Variants in DYRK1A observed in about 807,000 individuals in gnomAD.
DYRK1A encodes the protein dual specificity tyrosine phosphorylation regulated kinase 1A.
A neutral mutation model predicts 79.7 loss-of-function variants in DYRK1A; 9 were observed. The observed-to-expected ratio is 0.11, with a 90% confidence interval of 0.07 to 0.20. The LOEUF (loss-of-function observed/expected upper bound fraction) is 0.20. Among genes scored for constraint, DYRK1A ranks in the 10% least tolerant of loss-of-function variants. The pLI is 1.00. For synonymous variants in DYRK1A, 349 were observed against 329.7 expected (o/e 1.06, Z -0.63); for missense variants, 622 against 956.0 (o/e 0.65, Z 4.61).
intron 1 of DYRK1A, among the ~76,000 whole-genome samples, chr21:37,404,944 G>T (rs927856825): frequency 6.6e-6 from 1 of 152,112 alleles, no homozygotes; most frequent in Admixed American, 6.6e-5. Flanking sequence ...ATTTAGAATG[G>T]TTCAGTATAA....
chr21:37,512,768 C>T lies in DYRK1A; in HGVS notation c.*237C>T. 2 of 479,908 alleles carry T rather than the reference C, an allele frequency of 4.2e-6. No individual in the cohort carries two copies. The highest frequency in any genetic ancestry group is 4.4e-5 in the South Asian group (1 of 22,794). 29.7% of individuals were successfully genotyped at this position (479,908 alleles called of 1,614,324 possible). ...AGCTCAGAGGTATCCTCTTTTTGCT[C>T]CCCCATTTTAACTTGCCACATCCCA... is the stretch of plus-strand genomic sequence containing the variant. On this transcript the variant is annotated 3_prime_UTR_variant, in exon 12 of 12. Coordinates refer to ENST00000647188, the MANE Select transcript of DYRK1A (RefSeq NM_001347721.2).
intron 1 of DYRK1A, among the ~76,000 whole-genome samples, chr21:37,386,131 A>G (rs1480150981): frequency 6.6e-6 from 1 of 152,180 alleles, no homozygotes; most frequent in East Asian, 1.9e-4. Flanking sequence ...ATAGGGTAGG[A>G]TTCAAACCAG....
At chr21:37,373,649 A>G (rs1296154572) in intron 1 of DYRK1A, among the ~76,000 whole-genome samples, 2 of 152,196 alleles carry the variant, frequency 1.3e-5, no homozygotes, top group East Asian at 1.9e-4. Context: ...CAGTCCAGGA[A>G]TAGGATTTTG....
At chr21:37,394,011 ATT>A in intron 1 of DYRK1A, among the ~76,000 whole-genome samples, 1 of 151,818 alleles carries the variant, frequency 6.6e-6, no homozygotes, top group African/African-American at 2.4e-5. Flanking sequence ...GCCAGCCCAG[ATT>A]CAGGGGGTTC....
Position 37,366,791 on chromosome 21 carries a change from C to A in DYRK1A, c.-914C>A, listed in dbSNP as rs2049314511. 6.6e-6 allele frequency: 1 copy of A among 152,108 alleles called. No individual in the cohort carries two copies. 9.4% of individuals were successfully genotyped at this position (152,108 alleles called of 1,614,324 possible). On this transcript the variant is annotated 5_prime_UTR_variant, in exon 1 of 12. Transcript: ENST00000647188. ...CTATAGCGACCGGGTCGGTCCGTCGCCATTTTGTTGGTTGGTTTTTTTTTA... is the reference window on the plus strand; with the variant it reads ...CTATAGCGACCGGGTCGGTCCGTCGACATTTTGTTGGTTGGTTTTTTTTTA...
chr21:37,386,487 A>G (rs2049763262), intron 1 of DYRK1A, among the ~76,000 whole-genome samples: 1 of 152,216 alleles, frequency 6.6e-6, no homozygotes, highest in Admixed American at 6.5e-5. Context: ...TTGCACATCT[A>G]AAACATCTGT....
intron 11 of DYRK1A, among the ~76,000 whole-genome samples, 153 bp from the exon 12 acceptor site, chr21:37,511,758 G>A (rs140342822): frequency 4.6e-5 from 7 of 152,246 alleles, no homozygotes; most frequent in African/African-American, 1.7e-4. Flanking sequence ...TTGGGATTTT[G>A]TGTTATAAAA....
At chr21:37,432,382 A>G (rs1483467800) in intron 2 of DYRK1A, among the ~76,000 whole-genome samples, 1 of 152,198 alleles carries the variant, frequency 6.6e-6, no homozygotes, top group East Asian at 1.9e-4. Context: ...ACAAAAAAGA[A>G]GCAGGATTGC....
chr21:37,405,154 T>C (rs905687120), intron 1 of DYRK1A, among the ~76,000 whole-genome samples: 3 of 152,010 alleles, frequency 2.0e-5, no homozygotes, highest in African/African-American at 7.3e-5. Context: ...GGCCTTTGGG[T>C]GAAGATGAGG....
intron 2 of DYRK1A, among the ~76,000 whole-genome samples, chr21:37,457,302 G>A (rs961022758): frequency 6.6e-6 from 1 of 152,006 alleles, no homozygotes; most frequent in Non-Finnish European, 1.5e-5. Context: ...GCACGGACTC[G>A]GCTCACTGCA....
chr21:37,431,871 C>A lies in DYRK1A; in HGVS notation c.10+11487C>A, dbSNP rs183613828. 4.3e-4 allele frequency among the ~76,000 whole-genome samples: 65 copies of A among 150,712 alleles called. 1 individual carries two copies. The East Asian group carries it at 6.5e-3, about 15-fold the overall frequency. ...ACAGTACAAAAACCAGTTTTTAAAC[C>A]CTAAAGTTAATTTGCAAGAAATTGA... On this transcript the variant is annotated intron_variant, in intron 2 of 11. Transcript: ENST00000647188.
At chr21:37,434,357 T>G (rs2050862784) in intron 2 of DYRK1A, among the ~76,000 whole-genome samples, 1 of 152,216 alleles carries the variant, frequency 6.6e-6, no homozygotes, top group Admixed American at 6.5e-5. Context: ...TTGATCTATT[T>G]TAAAATAAAA....
intron 4 of DYRK1A, among the ~76,000 whole-genome samples, chr21:37,480,250 T>C (rs2052588885): frequency 6.6e-6 from 1 of 152,212 alleles, no homozygotes; most frequent in African/African-American, 2.4e-5. Flanking sequence ...ATGAGAGAAC[T>C]TGAACTTGAG....
intron 8 of DYRK1A, among the ~76,000 whole-genome samples, chr21:37,495,197 T>G (rs1308841260): frequency 4.7e-5 from 6 of 127,858 alleles, no homozygotes; most frequent in Non-Finnish European, 1.0e-4. Flanking sequence ...TGTGTGTGTG[T>G]GTGTGGTTAT....
intron 1 of DYRK1A, among the ~76,000 whole-genome samples, chr21:37,386,940 A>G (rs1304619669): frequency 2.6e-5 from 4 of 152,222 alleles, no homozygotes; most frequent in Admixed American, 1.3e-4. Context: ...GATTCAGGAA[A>G]GACTCACTAG....
rs531944947 is a variant in DYRK1A at position 37,430,202 on chromosome 21, T to C, written c.10+9818T>C. On this transcript the variant is annotated intron_variant, in intron 2 of 11. Transcript: ENST00000647188. Reference sequence around the variant, plus strand: ...CTGTTACCCACCAGTTACTTCCAGCTTGTATATAGGTATGTTCACTTACAC... The same window carrying C: ...CTGTTACCCACCAGTTACTTCCAGCCTGTATATAGGTATGTTCACTTACAC... 5.3e-6 allele frequency: 4 copies of C among 754,318 alleles called. No individual in the cohort carries two copies. The African/African-American group carries it at 7.6e-5, about 14-fold the overall frequency. The allele number at this position is 754,318 out of a possible 1,614,324, so 46.7% of individuals were successfully genotyped here. A position where few individuals can be genotyped will look rare whatever the true frequency, so the allele number is the denominator to read the frequency against.
intron 2 of DYRK1A, 141 bp from the exon 3 acceptor site, chr21:37,472,543 A>T: frequency 2.0e-6 from 1 of 508,150 alleles, no homozygotes; most frequent in Admixed American, 3.8e-5. Context: ...TGTGTTGAGT[A>T]ACATATACCT....
At chr21:37,489,204 C>T (rs751503474) in intron 6 of DYRK1A, among the ~76,000 whole-genome samples, 6 of 152,222 alleles carry the variant, frequency 3.9e-5, no homozygotes, top group Non-Finnish European at 8.8e-5. Context: ...AGAAACCTCT[C>T]ATTTTGTAAT....
At chr21:37,464,347 A>G in intron 2 of DYRK1A, 1 of 449,798 alleles carries the variant, frequency 2.2e-6, no homozygotes, top group South Asian at 1.7e-5. Context: ...TGGCTGAAGT[A>G]AGAAAGCTGC....
Sources: gnomAD v4.1 joint callset for allele counts (sites outside exome capture counted in the v4.1 genomes callset) on GRCh38, gnomAD v4.1.1 for gene constraint, MANE v1.5 for transcripts, NCBI Gene and HGNC (gene_info 2026-07-23, HGNC 2026-07-21) for gene names.